Variants in APOOL observed in about 807,000 individuals in gnomAD.
APOOL encodes the protein apolipoprotein O like, also known as MICOS complex subunit MIC27.
In APOOL, 12 loss-of-function variants were observed where a neutral mutation model predicts 23.1. That is an observed-to-expected ratio of 0.52 (90% CI 0.33 to 0.84). The LOEUF (loss-of-function observed/expected upper bound fraction) is 0.84, where lower values mean the gene tolerates loss of function less well. APOOL is among the 40% of genes least tolerant of loss of function. The pLI is 0.02. For missense variants in APOOL, 212 were observed against 199.6 expected, an observed-to-expected ratio of 1.06 and a Z score of -0.37; for synonymous variants, 77 against 69.9, an observed-to-expected ratio of 1.10 and a Z score of -0.51.
chrX:85,085,623 C>T (rs746853403), intron 8 of APOOL, among the ~76,000 whole-genome samples: 1 of 111,818 alleles, frequency 8.9e-6, no homozygotes, highest in African/African-American at 3.2e-5. Flanking sequence ...TTCTTTTATG[C>T]AGAAAAGGTA....
At chrX:85,050,935 G>A (rs901784321) in intron 2 of APOOL, among the ~76,000 whole-genome samples, 2 of 109,239 alleles carry the variant, frequency 1.8e-5, no homozygotes, top group Non-Finnish European at 3.8e-5. Flanking sequence ...TTTTTTTTAA[G>A]TAACCTTATA....
At chrX:85,078,023 C>T (rs1321234145) in intron 8 of APOOL, among the ~76,000 whole-genome samples, 1 of 111,249 alleles carries the variant, frequency 9.0e-6, no homozygotes, top group Non-Finnish European at 1.9e-5. Flanking sequence ...CAAAAATTTT[C>T]TCCCATTCTG....
chrX:85,051,623 A>G, intron 3 of APOOL, 115 bp downstream of exon 3: 1 of 925,459 alleles, frequency 1.1e-6, no homozygotes, highest in Non-Finnish European at 1.5e-6. Context: ...CACAACCATT[A>G]TATTACATCT....
At chrX:85,010,802 A>T (rs1672078283) in intron 1 of APOOL, among the ~76,000 whole-genome samples, 1 of 112,078 alleles carries the variant, frequency 8.9e-6, no homozygotes, top group Non-Finnish European at 1.9e-5. Flanking sequence ...GTGCTGCTGT[A>T]AACATGCATG....
At chrX:85,029,597 A>G (rs1921963409) in intron 1 of APOOL, among the ~76,000 whole-genome samples, 2 of 111,738 alleles carry the variant, frequency 1.8e-5, no homozygotes, top group South Asian at 7.5e-4. Flanking sequence ...GTGAACATCA[A>G]AAGTCTCAAG....
rs191842196 is a variant in APOOL at position 85,081,228 on chromosome X, G to A, written c.719-6362G>A. Among the ~76,000 whole-genome samples the A allele has an allele frequency of 6.5e-3, 719 of 111,001 alleles. 7 individuals carry two copies. Among genetic ancestry groups the A allele is most frequent in the African/African-American group, 0.023 (694 of 30,587 alleles). On this transcript the variant is annotated intron_variant, in intron 8 of 8. Coordinates refer to ENST00000373173, the MANE Select transcript of APOOL (RefSeq NM_198450.6). ...TTTGGCATGTTTTTGCAGTGGTACCGGTTGTTCCTTTCCATGTTTAGTGCT... is the reference window on the plus strand; with the variant it reads ...TTTGGCATGTTTTTGCAGTGGTACCAGTTGTTCCTTTCCATGTTTAGTGCT...
intron 1 of APOOL, among the ~76,000 whole-genome samples, chrX:85,028,353 A>G (rs950097653): frequency 5.4e-5 from 6 of 111,201 alleles, no homozygotes; most frequent in African/African-American, 2.0e-4. Context: ...TCACTATGAT[A>G]CTCTTCTGTA....
intron 1 of APOOL, among the ~76,000 whole-genome samples, chrX:85,028,627 CTGAT>C (rs1278595145): frequency 9.1e-6 from 1 of 109,416 alleles, no homozygotes; most frequent in Non-Finnish European, 1.9e-5. Flanking sequence ...AATAGTAGGT[CTGAT>C]TGATTTTTTT....
chrX:85,032,250 C>T (rs1922061964), intron 1 of APOOL, among the ~76,000 whole-genome samples: 1 of 112,407 alleles, frequency 8.9e-6, no homozygotes, highest in South Asian at 3.7e-4. Context: ...CGCGGTGGCT[C>T]ATGCCTGTAA....
At chrX:85,038,439 A>G (rs1353131843) in intron 1 of APOOL, among the ~76,000 whole-genome samples, 1 of 108,659 alleles carries the variant, frequency 9.2e-6, no homozygotes, top group East Asian at 2.9e-4. Flanking sequence ...CCTCCTCCTC[A>G]ATTTTTGGAA....
chrX:85,074,167 G>T, intron 7 of APOOL, 56 bp downstream of exon 7: 1 of 1,136,685 alleles, frequency 8.8e-7, no homozygotes, highest in Non-Finnish European at 1.2e-6. Context: ...GGTGGGTGTT[G>T]GCTTGTAATG....
chrX:85,012,744 C>T (rs1383864423), intron 1 of APOOL, among the ~76,000 whole-genome samples: 2 of 111,889 alleles, frequency 1.8e-5, no homozygotes, highest in African/African-American at 6.5e-5. Context: ...ATTCAGTTAG[C>T]TAGTATTTTG....
intron 1 of APOOL, among the ~76,000 whole-genome samples, chrX:85,012,958 G>A (rs1243573084): frequency 8.9e-6 from 1 of 111,906 alleles, no homozygotes; most frequent in Non-Finnish European, 1.9e-5. Context: ...GCTTAGCTGT[G>A]AATCCATCTG....
chrX:85,044,929 G>A (rs1208325836), intron 1 of APOOL, among the ~76,000 whole-genome samples: 1 of 111,360 alleles, frequency 9.0e-6, no homozygotes, highest in Non-Finnish European at 1.9e-5. Context: ...TATATCCAGG[G>A]AGTAGTCTCT....
intron 3 of APOOL, among the ~76,000 whole-genome samples, chrX:85,052,448 C>T (rs1216720621): frequency 9.0e-6 from 1 of 111,399 alleles, no homozygotes; most frequent in Non-Finnish European, 1.9e-5. Flanking sequence ...AATGTTGGTA[C>T]CAGTGTTTTC....
chrX:85,070,258 C>T (rs757909711), intron 6 of APOOL, among the ~76,000 whole-genome samples: 1 of 111,667 alleles, frequency 9.0e-6, no homozygotes, highest in South Asian at 3.7e-4. Context: ...CTTTTAAGAG[C>T]TTCTCCAAGG....
At chrX:85,005,109 A>G (rs1921011848) in intron 1 of APOOL, among the ~76,000 whole-genome samples, 2 of 110,575 alleles carry the variant, frequency 1.8e-5, no homozygotes, top group African/African-American at 6.6e-5. Flanking sequence ...GCCTTGTTTA[A>G]TAGTGTCCTT....
intron 1 of APOOL, among the ~76,000 whole-genome samples, chrX:85,008,573 G>GTGTGTGTGTGTA (rs900170075): frequency 9.2e-6 from 1 of 108,705 alleles, no homozygotes. Flanking sequence ...GTGTGTGTGT[G>GTGTGTGTGTGTA]TATACCACAG....
chrX:85,067,112 A>G lies in APOOL; in HGVS notation c.395-15A>G. 3 of 1,068,638 alleles carry G rather than the reference A, an allele frequency of 2.8e-6. No homozygotes were observed. Among genetic ancestry groups the G allele is most frequent in the Non-Finnish European group, 3.8e-6 (3 of 787,258 alleles). The allele number at this position is 1,068,638 out of a possible 1,213,427, so 88.1% of individuals were successfully genotyped here. ...GTATATATTTGGAGTTTAATAATAT[A>G]TTTGCATTTTATAGGTTCCAAGTTT... On this transcript the variant is annotated splice_polypyrimidine_tract_variant and intron_variant, in intron 5 of 8. Transcript: ENST00000373173.
Sources: gnomAD v4.1 joint callset for allele counts (sites outside exome capture counted in the v4.1 genomes callset) on GRCh38, gnomAD v4.1.1 for gene constraint, MANE v1.5 for transcripts, NCBI Gene and HGNC (gene_info 2026-07-23, HGNC 2026-07-21) for gene names.